The following ZBTB7C variants were observed in gnomAD, a reference collection of about 807,000 sequenced individuals.
ZBTB7C encodes zinc finger and BTB domain containing 7C, also known as zinc finger and BTB domain-containing protein 7C.
A neutral mutation model predicts 25.7 loss-of-function variants in ZBTB7C; 8 were observed. That is an observed-to-expected ratio of 0.31 (90% CI 0.18 to 0.56). The LOEUF is 0.56. Among genes scored for constraint, ZBTB7C ranks in the 20% least tolerant of loss-of-function variants. The pLI is 0.91. For synonymous variants in ZBTB7C, 394 were observed against 369.0 expected (o/e 1.07, Z -0.78); for missense variants, 824 against 855.2 (o/e 0.96, Z 0.46).
chr18:48,284,481 T>G (rs535426420), intron 2 of ZBTB7C, among the ~76,000 whole-genome samples: 20 of 151,826 alleles, frequency 1.3e-4, no homozygotes, highest in African/African-American at 4.8e-4. Context: ...CACATAAATA[T>G]GTACTCAAGT....
At chr18:48,209,702 T>G (rs1184468134) in intron 2 of ZBTB7C, among the ~76,000 whole-genome samples, 4 of 151,548 alleles carry the variant, frequency 2.6e-5, no homozygotes, top group Non-Finnish European at 5.9e-5. Context: ...GCTGAGTAAG[T>G]CATGAATGTG....
intron 4 of ZBTB7C, among the ~76,000 whole-genome samples, chr18:48,032,575 C>T (rs1015731735): frequency 2.0e-5 from 3 of 151,882 alleles, no homozygotes; most frequent in African/African-American, 7.3e-5. Context: ...GCTGGGACTA[C>T]AGGTGCCCAC....
At chr18:48,372,048 C>T (rs1598981856) in intron 1 of ZBTB7C, among the ~76,000 whole-genome samples, 2 of 152,184 alleles carry the variant, frequency 1.3e-5, no homozygotes, top group African/African-American at 4.8e-5. Flanking sequence ...GTGTCTGACA[C>T]GTCAACAGGC....
intron 3 of ZBTB7C, among the ~76,000 whole-genome samples, chr18:48,178,672 T>A (rs2041769897): frequency 6.6e-6 from 1 of 152,252 alleles, no homozygotes; most frequent in South Asian, 2.1e-4. Flanking sequence ...AGCTGATGCC[T>A]GTCGCATCGT....
At chr18:48,096,013 T>C (rs1187958368) in intron 3 of ZBTB7C, among the ~76,000 whole-genome samples, 1 of 152,166 alleles carries the variant, frequency 6.6e-6, no homozygotes. Context: ...AGCTGCCCTT[T>C]CTCCTGGAAA....
At chr18:48,037,593 G>A (rs548659144) in intron 4 of ZBTB7C, among the ~76,000 whole-genome samples, 17 of 152,254 alleles carry the variant, frequency 1.1e-4, no homozygotes, top group Admixed American at 2.6e-4. Context: ...AAGGCTGTGC[G>A]TGGGGAAGGC....
chr18:48,178,592 T>A (rs1200059335), intron 3 of ZBTB7C, among the ~76,000 whole-genome samples: 1 of 152,232 alleles, frequency 6.6e-6, no homozygotes, highest in African/African-American at 2.4e-5. Flanking sequence ...TGGCAGAATA[T>A]GTTCTTCAAA....
chr18:48,312,725 T>C (rs572288236), intron 2 of ZBTB7C, among the ~76,000 whole-genome samples: 4 of 152,344 alleles, frequency 2.6e-5, no homozygotes, highest in African/African-American at 7.2e-5. Context: ...GTGCGGGTCA[T>C]GTCACATGCT....
At chr18:48,342,366 C>T (rs934833461) in intron 1 of ZBTB7C, among the ~76,000 whole-genome samples, 1 of 152,208 alleles carries the variant, frequency 6.6e-6, no homozygotes, top group Admixed American at 6.5e-5. Flanking sequence ...AGTCAGGTTC[C>T]CAGGCCTTCT....
intron 3 of ZBTB7C, among the ~76,000 whole-genome samples, chr18:48,184,575 G>C (rs1367682931): frequency 6.6e-6 from 1 of 152,062 alleles, no homozygotes; most frequent in African/African-American, 2.4e-5. Context: ...TTTATAACTA[G>C]CTACCTTCTC....
In ZBTB7C at chr18:48,408,028, G is replaced by A. The variant is rs79916131; in HGVS notation, c.-304+1198C>T. 2.0e-5 allele frequency among the ~76,000 whole-genome samples: 3 copies of A among 152,232 alleles called. No individual in the cohort carries two copies. In the East Asian group the frequency reaches 5.8e-4, roughly 29 times the overall value. ...TGGGCACAGTATATCTTCTTTTAAG[G>A]GGTCTTCCCTTCCCACTCCCACTCC... On this transcript the variant is annotated intron_variant, in intron 1 of 4. Transcript: ENST00000590800.
chr18:48,216,685 G>T lies in ZBTB7C; in HGVS notation c.-78-30690C>A, dbSNP rs143927252. Among the ~76,000 whole-genome samples the T allele has an allele frequency of 1.6e-3, 237 of 151,952 alleles. 2 individuals are homozygous for T. The East Asian group carries it at 0.018, about 12-fold the overall frequency. On this transcript the variant is annotated intron_variant, in intron 2 of 4. Transcript: ENST00000590800. ...AAGCCAGCAGTCATCCTAAAACCCC[G>T]CTCCGTCAGCCCACACTCTGTGCAT...
intron 3 of ZBTB7C, among the ~76,000 whole-genome samples, chr18:48,057,050 CAAAAA>C (rs11380205): frequency 4.7e-5 from 3 of 64,320 alleles, no homozygotes; most frequent in South Asian, 6.5e-4. Flanking sequence ...GAAAAATTGT[CAAAAA>C]AAAAAAAAAA....
At chr18:48,214,315 A>G (rs1031784317) in intron 2 of ZBTB7C, among the ~76,000 whole-genome samples, 3 of 152,172 alleles carry the variant, frequency 2.0e-5, no homozygotes, top group Admixed American at 6.5e-5. Flanking sequence ...CCTCCCAGCC[A>G]TGGGCAACCA....
intron 2 of ZBTB7C, among the ~76,000 whole-genome samples, chr18:48,202,378 T>C (rs1187503761): frequency 6.7e-6 from 1 of 149,132 alleles, no homozygotes; most frequent in Non-Finnish European, 1.5e-5. Context: ...TGGGCAAGGA[T>C]TGAGGGAGGG....
At chr18:48,400,609 C>A (rs2048134270) in intron 1 of ZBTB7C, among the ~76,000 whole-genome samples, 1 of 152,194 alleles carries the variant, frequency 6.6e-6, no homozygotes, top group Non-Finnish European at 1.5e-5. Context: ...GCCCCCGCAA[C>A]CTGTGTCCTG....
chr18:48,160,490 C>G (rs546733219), intron 3 of ZBTB7C, among the ~76,000 whole-genome samples: 1 of 152,154 alleles, frequency 6.6e-6, no homozygotes. Flanking sequence ...GGTCATCTCC[C>G]GCTCTGGGTC....
At chr18:48,333,652 A>C (rs2046391189) in intron 2 of ZBTB7C, among the ~76,000 whole-genome samples, 1 of 152,236 alleles carries the variant, frequency 6.6e-6, no homozygotes, top group African/African-American at 2.4e-5. Flanking sequence ...GTTAAGTCAC[A>C]GTGACACTGG....
intron 3 of ZBTB7C, among the ~76,000 whole-genome samples, chr18:48,068,865 C>T (rs907350418): frequency 6.6e-6 from 1 of 152,206 alleles, no homozygotes. Flanking sequence ...CTATTATGGT[C>T]AGAATCTGGG....
Sources: gnomAD v4.1 joint callset for allele counts (sites outside exome capture counted in the v4.1 genomes callset) on GRCh38, gnomAD v4.1.1 for gene constraint, MANE v1.5 for transcripts, NCBI Gene and HGNC (gene_info 2026-07-23, HGNC 2026-07-21) for gene names.